Variants in GLIS2 observed in about 807,000 individuals in gnomAD.
The protein encoded by GLIS2 is GLIS family zinc finger 2.
In GLIS2, 14 loss-of-function variants were observed where a neutral mutation model predicts 35.6. The observed-to-expected ratio is 0.39, with a 90% CI of 0.26 to 0.61. The LOEUF is 0.61. GLIS2 is among the 20% of genes least tolerant of loss of function. The pLI is 0.48. For missense variants in GLIS2, 675 were observed against 713.4 expected (o/e 0.95, Z 0.61); for synonymous variants, 368 against 325.1 (o/e 1.13, Z -1.42).
chr16:4,337,872 A>G lies in GLIS2; in HGVS notation c.*348A>G. 1 of 438,518 alleles carries G rather than the reference A, an allele frequency of 2.3e-6. No individual in the cohort carries two copies. Among genetic ancestry groups the G allele is most frequent in the Non-Finnish European group, 4.2e-6 (1 of 236,216 alleles). 27.2% of individuals were successfully genotyped at this position (438,518 alleles called of 1,614,324 possible). A position where few individuals can be genotyped will look rare whatever the true frequency, so the allele number is the denominator to read the frequency against. Reference sequence around the variant, plus strand: ...CCCTCACCTAGTGACCACCCATGGCAAGTTGCCCTCTCCCAGCAGAGGGGG... The same window carrying G: ...CCCTCACCTAGTGACCACCCATGGCGAGTTGCCCTCTCCCAGCAGAGGGGG... On this transcript the variant is annotated 3_prime_UTR_variant, in exon 7 of 7. Coordinates refer to ENST00000433375, the MANE Select transcript of GLIS2 (RefSeq NM_032575.3).
Position 4,337,261 on chromosome 16 carries a change from G to A in GLIS2, c.1312G>A (p.Ala438Thr), listed in dbSNP as rs2141135138. The A allele has an allele frequency of 1.9e-6, 3 of 1,548,980 alleles. No individual in the cohort carries two copies. Among genetic ancestry groups the A allele is most frequent in the African/African-American group, 1.4e-5 (1 of 73,160 alleles). Residue 438 changes from alanine to threonine, a missense_variant, in exon 7 of 7, where the codon GCT (alanine) becomes ACT (threonine). Physicochemically the swap from Ala to Thr is moderately conservative, Grantham distance 58. Coordinates refer to ENST00000433375, the MANE Select transcript of GLIS2 (RefSeq NM_032575.3). ...TGTGGTCTCCCTCCTTGCTGGCGCA[G>A]CTGGTGGCAAGGCCGAGGGGGAGAA... ...LPVVSLLAGAAGGKAEGEKGR... is the reference protein window; with the variant it reads ...LPVVSLLAGATGGKAEGEKGR...
At chr16:4,333,978 A>G (rs1004474758) in intron 3 of GLIS2, among the ~76,000 whole-genome samples, 7 of 152,158 alleles carry the variant, frequency 4.6e-5, no homozygotes, top group Non-Finnish European at 8.8e-5. Context: ...GTCTTGCTTC[A>G]TTGCCCAGGC....
intron 3 of GLIS2, 144 bp from the exon 4 acceptor site, chr16:4,334,657 C>T: frequency 8.7e-6 from 8 of 918,880 alleles, no homozygotes; most frequent in South Asian, 7.2e-5. Flanking sequence ...GATCCTAGTT[C>T]CAAATAAGGC....
chr16:4,320,017 T>G lies in GLIS2; in HGVS notation c.-67+3763T>G, dbSNP rs2053360776. Among the ~76,000 whole-genome samples the G allele has an allele frequency of 1.4e-5, 2 of 144,064 alleles. No homozygotes were observed. The allele number at this position is 144,064 out of a possible 152,430, so 94.5% of individuals were successfully genotyped here. On this transcript the variant is annotated intron_variant, in intron 1 of 6. Coordinates refer to ENST00000433375, the MANE Select transcript of GLIS2 (RefSeq NM_032575.3). This position sits in a 1 kb window ranked among gnomAD's most constrained non-coding sequence, Gnocchi z 5.6. The stretch of plus-strand genomic sequence containing the variant: ...CCAGCAGCCCCTGCTGGGGGATGGG[T>G]GGGGGCTGAGACTCTTCCAGTTCGA...
chr16:4,316,346 G>A (rs1324172463), intron 1 of GLIS2, among the ~76,000 whole-genome samples, 92 bp downstream of exon 1: 1 of 146,792 alleles, frequency 6.8e-6, no homozygotes, highest in South Asian at 2.1e-4. Flanking sequence ...GGGGCCCGAG[G>A]GTCTCCTCCC....
rs370239986 is a variant in GLIS2, at chr16:4,333,330, C to G, written c.173-17C>G. ...ACTCTACACTCCAGCACACCCTGAA[C>G]TGTGCCTCTCCCTCAGGCTTCCTGC... On this transcript the variant is annotated splice_polypyrimidine_tract_variant and intron_variant, in intron 2 of 6. Transcript: ENST00000433375. The G allele has an allele frequency of 1.9e-5, 30 of 1,612,488 alleles. No individual in the cohort carries two copies. The African/African-American group carries it at 3.7e-4, about 20-fold the overall frequency.
intron 1 of GLIS2, among the ~76,000 whole-genome samples, chr16:4,326,222 G>A (rs1476489309): frequency 6.6e-6 from 1 of 152,170 alleles, no homozygotes; most frequent in African/African-American, 2.4e-5. Context: ...TCCAGCCTGG[G>A]TGACAGAGTG....
chr16:4,317,327 A>C (rs1222506451), intron 1 of GLIS2, among the ~76,000 whole-genome samples: 3 of 152,046 alleles, frequency 2.0e-5, no homozygotes, highest in Non-Finnish European at 2.9e-5. Context: ...GGGCCATGGA[A>C]AGGGCCTGGG....
chr16:4,318,779 C>T (rs1309666247), intron 1 of GLIS2, among the ~76,000 whole-genome samples: 1 of 152,240 alleles, frequency 6.6e-6, no homozygotes, highest in South Asian at 2.1e-4. Flanking sequence ...TCTGGGCAGC[C>T]ATATAGGAGG....
chr16:4,329,639 T>C (rs1380963586), intron 1 of GLIS2, among the ~76,000 whole-genome samples: 1 of 152,168 alleles, frequency 6.6e-6, no homozygotes, highest in East Asian at 1.9e-4. Flanking sequence ...CTTCCTGTCC[T>C]GCCCTGTGGA....
In GLIS2 at chr16:4,337,561, G is replaced by A. The variant is rs1187922206; in HGVS notation, c.*37G>A. On this transcript the variant is annotated 3_prime_UTR_variant, in exon 7 of 7. Coordinates refer to ENST00000433375, the MANE Select transcript of GLIS2 (RefSeq NM_032575.3). ...GGACAGTTGTGGTGCCCCCCCGGCAGCTCCCGGCACTGCCCCCGACGAACG... is the reference window on the plus strand; with the variant it reads ...GGACAGTTGTGGTGCCCCCCCGGCAACTCCCGGCACTGCCCCCGACGAACG... 1.3e-6 allele frequency: 2 copies of A among 1,539,766 alleles called. No individual in the cohort carries two copies. Among genetic ancestry groups the A allele is most frequent in the African/African-American group, 1.4e-5 (1 of 73,316 alleles).
At chr16:4,336,361 G>C in intron 6 of GLIS2, 1 of 448,228 alleles carries the variant, frequency 2.2e-6, no homozygotes, top group South Asian at 2.1e-5. Context: ...TGGCCCTGCT[G>C]GTCTGGAACT....
chr16:4,317,930 G>A (rs62037584), intron 1 of GLIS2, among the ~76,000 whole-genome samples: 1 of 152,124 alleles, frequency 6.6e-6, no homozygotes, highest in Non-Finnish European at 1.5e-5. Context: ...CCCTGTCTGT[G>A]ACCTTTGACC....
Position 4,337,602 on chromosome 16 carries a change from A to G in GLIS2, c.*78A>G, listed in dbSNP as rs892586048. Reference sequence around the variant, plus strand: ...CCGACGAACGGAAACTCTTCTGTGAAATAGCAATAATGTCCTACTGCCCGG... The same window carrying G: ...CCGACGAACGGAAACTCTTCTGTGAGATAGCAATAATGTCCTACTGCCCGG... On this transcript the variant is annotated 3_prime_UTR_variant, in exon 7 of 7. Transcript: ENST00000433375. 8 of 1,525,056 alleles carry G rather than the reference A, an allele frequency of 5.2e-6. No individual in the cohort carries two copies. Among genetic ancestry groups the G allele is most frequent in the East Asian group, 2.4e-5 (1 of 40,828 alleles). The allele number at this position is 1,525,056 out of a possible 1,614,324, so 94.5% of individuals were successfully genotyped here.
upstream of GLIS2, chr16:4,314,916 A>G (rs922472920): frequency 6.6e-6 from 1 of 152,280 alleles, no homozygotes; most frequent in Non-Finnish European, 1.5e-5. Context: ...CAGCAAGAAG[A>G]TAACAGGGCG....
At chr16:4,326,755 AT>A (rs35674831) in intron 1 of GLIS2, among the ~76,000 whole-genome samples, 74,923 of 109,626 alleles carry the variant, frequency 0.68, 26,470 homozygotes, top group East Asian at 0.84. Context: ...ACGCCCAGCT[AT>A]TTTTTTTTTT....
intron 1 of GLIS2, among the ~76,000 whole-genome samples, chr16:4,318,496 C>T (rs1319449695): frequency 6.6e-6 from 1 of 152,250 alleles, no homozygotes; most frequent in African/African-American, 2.4e-5. Flanking sequence ...CCGCGTCCCC[C>T]CAAAGCTTTT....
rs2053557121 is a variant in GLIS2, at chr16:4,336,850, C to A, written c.901C>A (p.His301Asn). Reference protein sequence around the residue: ...KPYYCKMPGCHKRYTDPSSLR... With the variant: ...KPYYCKMPGCNKRYTDPSSLR... Reference sequence around the variant, plus strand: ...CTACTACTGCAAGATGCCCGGCTGCCACAAGCGCTACACGGACCCCAGCTC... The same window carrying A: ...CTACTACTGCAAGATGCCCGGCTGCAACAAGCGCTACACGGACCCCAGCTC... Residue 301 changes from histidine to asparagine, a missense_variant, in exon 7 of 7, where the codon CAC becomes AAC. Coordinates refer to ENST00000433375, the MANE Select transcript of GLIS2 (RefSeq NM_032575.3). The A allele has an allele frequency of 2.5e-6, 4 of 1,612,842 alleles. No homozygotes were observed. The African/African-American group carries it at 5.3e-5, about 22-fold the overall frequency.
In GLIS2 at chr16:4,338,479, T is replaced by A. The variant is rs1454399000; in HGVS notation, c.*955T>A. On this transcript the variant is annotated 3_prime_UTR_variant, in exon 7 of 7. Transcript: ENST00000433375. Reference sequence around the variant, plus strand: ...GGTCCTGTAACAGGAAGGGGGAGGCTGGCTGGGGACGACCGACCACAGGCT... The same window carrying A: ...GGTCCTGTAACAGGAAGGGGGAGGCAGGCTGGGGACGACCGACCACAGGCT... The A allele has an allele frequency of 6.5e-6, 1 of 152,810 alleles. No individual in the cohort carries two copies. The highest frequency in any genetic ancestry group is 1.5e-5 in the Non-Finnish European group (1 of 68,546). 9.5% of individuals were successfully genotyped at this position (152,810 alleles called of 1,614,324 possible).
Sources: gnomAD v4.1 joint callset for allele counts (sites outside exome capture counted in the v4.1 genomes callset) on GRCh38, gnomAD v4.1.1 for gene constraint, Gnocchi (gnomAD v3.1) non-coding constraint, MANE v1.5 for transcripts, NCBI Gene and HGNC (gene_info 2026-07-23, HGNC 2026-07-21) for gene names.